WIPF3: variants seen among roughly 807,000 people sequenced by gnomAD.
WIPF3 encodes the protein WAS/WASL-interacting protein family member 3.
Under a neutral mutation model 38.9 loss-of-function variants are expected in WIPF3, and 33 were observed. That is an observed-to-expected ratio of 0.85 (90% confidence interval 0.64 to 1.14). The LOEUF is 1.14. Ranked by LOEUF, WIPF3 falls within the 50% of genes most tolerant of loss-of-function variation. WIPF3 has a pLI of 0.00. For synonymous variants in WIPF3, 324 were observed against 269.3 expected (o/e 1.20, Z -1.99); for missense variants, 711 against 652.5 (o/e 1.09, Z -0.98).
At chr7:29,894,127 TC>T (rs1562788861) in intron 7 of WIPF3, among the ~76,000 whole-genome samples, 1 of 152,300 alleles carries the variant, frequency 6.6e-6, no homozygotes, top group East Asian at 1.9e-4. Context: ...GAAAACAGAT[TC>T]CTAAAAACCT....
At chr7:29,914,423 G>C in intron 8 of WIPF3, 70 bp from the exon 9 acceptor site, 1 of 1,276,840 alleles carries the variant, frequency 7.8e-7, no homozygotes, top group Middle Eastern at 2.0e-4. Context: ...TTGGGGGGGT[G>C]GAGGAGGAAG....
intron 2 of WIPF3, among the ~76,000 whole-genome samples, chr7:29,857,458 A>T (rs1263088139): frequency 6.6e-6 from 1 of 152,104 alleles, no homozygotes; most frequent in Non-Finnish European, 1.5e-5. Context: ...CCCTTTCCAT[A>T]GTACTTGGCT....
At chr7:29,885,751 G>A (rs958091305) in intron 5 of WIPF3, among the ~76,000 whole-genome samples, 11 of 152,186 alleles carry the variant, frequency 7.2e-5, no homozygotes, top group Admixed American at 5.2e-4. Context: ...AGGTGTTCAA[G>A]GCTGTGGGGA....
At chr7:29,885,909 A>C (rs1362383425) in intron 5 of WIPF3, among the ~76,000 whole-genome samples, 1 of 152,150 alleles carries the variant, frequency 6.6e-6, no homozygotes, top group Non-Finnish European at 1.5e-5. Flanking sequence ...CTTTTTTCTG[A>C]ATATATGTAC....
intron 3 of WIPF3, among the ~76,000 whole-genome samples, 154 bp downstream of exon 3, chr7:29,876,116 A>G (rs1033658628): frequency 1.3e-5 from 2 of 152,252 alleles, no homozygotes; most frequent in Non-Finnish European, 2.9e-5. Flanking sequence ...AGTGGGCGAG[A>G]GAACCAGAGC....
At position 29,884,382 on chromosome 7, in the gene WIPF3, C is replaced by T. The variant is rs769758706; in HGVS notation, c.888C>T (p.Leu296=). 1.0e-5 allele frequency: 14 copies of T among 1,334,270 alleles called. No homozygotes were observed. Among genetic ancestry groups the T allele is most frequent in the East Asian group, 2.8e-5 (1 of 35,886 alleles). 82.7% of individuals were successfully genotyped at this position (1,334,270 alleles called of 1,614,324 possible). The change falls in exon 5 of 9, where the codon CTC becomes CTT. Residue 296 remains leucine (L), a synonymous_variant. Coordinates refer to ENST00000242140, the MANE Select transcript of WIPF3 (RefSeq NM_001080529.3). Reference sequence around the variant, plus strand: ...AGCCTCCCGCCCCGCCGCCCCCGCTCCCCCCTTATGCTTCTTGCTCCCCGA... The same window carrying T: ...AGCCTCCCGCCCCGCCGCCCCCGCTTCCCCCTTATGCTTCTTGCTCCCCGA... The part of the protein sequence containing the change: ...AQEPPAPPPP[L]PPYASCSPRA...
chr7:29,824,395 G>A (rs967865842), intron 1 of WIPF3, among the ~76,000 whole-genome samples: 2 of 152,150 alleles, frequency 1.3e-5, no homozygotes, highest in Non-Finnish European at 2.9e-5. Context: ...AGTGCAAAGT[G>A]CTATAGGGGC....
chr7:29,904,977 C>T (rs1254240624), intron 8 of WIPF3: 1 of 152,350 alleles, frequency 6.6e-6, no homozygotes, highest in Non-Finnish European at 1.5e-5. Flanking sequence ...AGGGTCTCAT[C>T]TTTAAAAGCC....
chr7:29,867,601 T>C (rs900646818), intron 2 of WIPF3, among the ~76,000 whole-genome samples: 5 of 144,998 alleles, frequency 3.4e-5, no homozygotes, highest in African/African-American at 1.3e-4. Context: ...TTCATGAGAT[T>C]GTTCTTTCTA....
chr7:29,885,118 T>C lies in WIPF3; in HGVS notation c.1099+525T>C, dbSNP rs913169450. ...CCCTCAGTAAACTGGATTCCCACTCTGCCTTAGTTTTCGCAGGTTCTCCGG... is the reference window on the plus strand; with the variant it reads ...CCCTCAGTAAACTGGATTCCCACTCCGCCTTAGTTTTCGCAGGTTCTCCGG... On this transcript the variant is annotated intron_variant, in intron 5 of 8. Coordinates refer to ENST00000242140, the MANE Select transcript of WIPF3 (RefSeq NM_001080529.3). Among the ~76,000 whole-genome samples the C allele has an allele frequency of 7.2e-5, 11 of 152,360 alleles. No individual in the cohort carries two copies. In the South Asian group the frequency reaches 1.9e-3, roughly 26 times the overall value.
chr7:29,885,362 CAA>C (rs1785854200), intron 5 of WIPF3, among the ~76,000 whole-genome samples: 1 of 152,210 alleles, frequency 6.6e-6, no homozygotes, highest in Non-Finnish European at 1.5e-5. Flanking sequence ...CAGACACACT[CAA>C]ACATATGCAC....
At chr7:29,838,735 G>A (rs1213880775) in intron 2 of WIPF3, among the ~76,000 whole-genome samples, 2 of 152,298 alleles carry the variant, frequency 1.3e-5, no homozygotes, top group Non-Finnish European at 2.9e-5. Flanking sequence ...TCCAAGAGAA[G>A]TATGTGCCTG....
At chr7:29,825,934 G>A (rs1227118584) in intron 1 of WIPF3, among the ~76,000 whole-genome samples, 1 of 152,176 alleles carries the variant, frequency 6.6e-6, no homozygotes, top group Non-Finnish European at 1.5e-5. Flanking sequence ...GCCGATGTCT[G>A]GGCTGGTGTT....
intron 2 of WIPF3, among the ~76,000 whole-genome samples, chr7:29,843,506 A>G (rs1206113570): frequency 1.3e-5 from 2 of 152,200 alleles, no homozygotes; most frequent in African/African-American, 4.8e-5. Context: ...GACAGGGGGT[A>G]CAATGCCAAA....
chr7:29,827,188 C>A (rs1033873201), intron 1 of WIPF3, among the ~76,000 whole-genome samples: 3 of 152,156 alleles, frequency 2.0e-5, no homozygotes, highest in African/African-American at 7.2e-5. Context: ...CTCAGGCCAA[C>A]ATGCCCCACC....
Position 29,823,324 on chromosome 7 carries a change from C to T in WIPF3, c.-57-11344C>T, listed in dbSNP as rs1037765713. On this transcript the variant is annotated intron_variant, in intron 1 of 8. Transcript: ENST00000242140. The surrounding 1 kb of genome is among the most constrained non-coding windows in gnomAD (Gnocchi z 4.0). ...TCACCCAGGCTGGAGTGCAGTGGCA[C>T]GATTTCGGCTCACTGCAACCTCCGT... Among the ~76,000 whole-genome samples, 1 of 152,064 alleles carries T rather than the reference C, an allele frequency of 6.6e-6. No individual in the cohort carries two copies. The highest frequency in any genetic ancestry group is 1.5e-5 in the Non-Finnish European group (1 of 68,014).
rs1241864765 is a variant in WIPF3, at chr7:29,844,664, G to T, written c.90+9850G>T. ...TTCAGTAAGTGGTACTGATGACTAG[G>T]CAATGAACACTTATCTAGCATTTAC... On this transcript the variant is annotated intron_variant, in intron 2 of 8. Coordinates refer to ENST00000242140, the MANE Select transcript of WIPF3 (RefSeq NM_001080529.3). This position sits in a 1 kb window ranked among gnomAD's most constrained non-coding sequence, Gnocchi z 4.8. Among the ~76,000 whole-genome samples the T allele has an allele frequency of 6.6e-6, 1 of 152,180 alleles. No homozygotes were observed. Among genetic ancestry groups the T allele is most frequent in the Non-Finnish European group, 1.5e-5 (1 of 68,028 alleles).
intron 1 of WIPF3, among the ~76,000 whole-genome samples, chr7:29,816,272 T>C (rs1784456785): frequency 6.6e-6 from 1 of 152,136 alleles, no homozygotes; most frequent in Non-Finnish European, 1.5e-5. Context: ...TTATGCATTC[T>C]TCCAGAGAAA....
Position 29,914,630 on chromosome 7 carries a change from A to G in WIPF3, c.*114A>G. Reference sequence around the variant, plus strand: ...TTGGCATACAGGCTTGGAATTGAGAATTTATTTATTGTAAATATGTGATTT... The same window carrying G: ...TTGGCATACAGGCTTGGAATTGAGAGTTTATTTATTGTAAATATGTGATTT... On this transcript the variant is annotated 3_prime_UTR_variant, in exon 9 of 9. Coordinates refer to ENST00000242140, the MANE Select transcript of WIPF3 (RefSeq NM_001080529.3). 1 of 642,660 alleles carries G rather than the reference A, an allele frequency of 1.6e-6. No individual in the cohort carries two copies. The highest frequency in any genetic ancestry group is 2.4e-6 in the Non-Finnish European group (1 of 421,280). 39.8% of individuals were successfully genotyped at this position (642,660 alleles called of 1,614,324 possible).
Sources: allele counts gnomAD v4.1 joint callset (sites outside exome capture counted in the v4.1 genomes callset), GRCh38; gene constraint gnomAD v4.1.1; non-coding constraint Gnocchi (gnomAD v3.1); transcripts MANE v1.5; gene names NCBI Gene and HGNC (gene_info 2026-07-23, HGNC 2026-07-21).